PPP2R2B: variants seen among roughly 807,000 people sequenced by gnomAD.
PPP2R2B encodes the protein protein phosphatase 2 regulatory subunit Bbeta.
A neutral mutation model predicts 46.0 loss-of-function variants in PPP2R2B; 5 were observed. The ratio of observed to expected loss-of-function variants is 0.11; its 90% CI spans 0.06 to 0.23. PPP2R2B has a LOEUF of 0.23. Among genes scored for constraint, PPP2R2B ranks in the 10% least tolerant of loss-of-function variants. The probability of loss-of-function intolerance (pLI) is 1.00; values close to 1 mark genes in which losing one functional copy is unlikely to be tolerated. For synonymous variants in PPP2R2B, 215 were observed against 206.7 expected (o/e 1.04, Z -0.34); for missense variants, 367 against 575.0 (o/e 0.64, Z 3.70).
At chr5:146,847,443 C>G (rs1490566045) in intron 2 of PPP2R2B, among the ~76,000 whole-genome samples, 1 of 152,196 alleles carries the variant, frequency 6.6e-6, no homozygotes, top group African/African-American at 2.4e-5. Context: ...ATCCATTACT[C>G]TCCTTTTATC....
At chr5:146,700,023 G>A (rs570866573) in intron 3 of PPP2R2B, among the ~76,000 whole-genome samples, 35 of 152,238 alleles carry the variant, frequency 2.3e-4, no homozygotes, top group African/African-American at 7.7e-4. Context: ...ATGGAACCCC[G>A]AGGGATTACG....
At chr5:147,001,797 G>A (rs1021876253) in intron 1 of PPP2R2B, among the ~76,000 whole-genome samples, 1 of 152,154 alleles carries the variant, frequency 6.6e-6, no homozygotes, top group Non-Finnish European at 1.5e-5. Context: ...AGACGCGGGT[G>A]CCAGGCTTTC....
upstream of PPP2R2B, among the ~76,000 whole-genome samples, chr5:147,058,101 T>C (rs1447917098): frequency 6.6e-6 from 1 of 152,236 alleles, no homozygotes; most frequent in East Asian, 1.9e-4. Flanking sequence ...TTCATCTTTA[T>C]ATCCCTACTG....
At chr5:146,771,178 A>C (rs533011487) in intron 2 of PPP2R2B, among the ~76,000 whole-genome samples, 2 of 152,214 alleles carry the variant, frequency 1.3e-5, no homozygotes, top group Non-Finnish European at 2.9e-5. Context: ...TTCTAGAAGC[A>C]GGCCTAATCC....
At chr5:146,934,432 G>T (rs992055782) in intron 1 of PPP2R2B, among the ~76,000 whole-genome samples, 2 of 151,640 alleles carry the variant, frequency 1.3e-5, no homozygotes, top group Admixed American at 6.6e-5. Context: ...CTGATGGCCA[G>T]TGATGATAAG....
chr5:146,662,117 C>T (rs750464555), intron 5 of PPP2R2B, among the ~76,000 whole-genome samples: 1 of 152,004 alleles, frequency 6.6e-6, no homozygotes, highest in Non-Finnish European at 1.5e-5. Context: ...ACCAAGCCTC[C>T]GAAGTATCAC....
chr5:146,990,490 T>A (rs985528576), intron 1 of PPP2R2B, among the ~76,000 whole-genome samples: 1 of 152,050 alleles, frequency 6.6e-6, no homozygotes, highest in Non-Finnish European at 1.5e-5. Context: ...TCCCAATAAA[T>A]GGTGGTGGAA....
intron 5 of PPP2R2B, among the ~76,000 whole-genome samples, chr5:146,655,765 A>T (rs1160409377): frequency 6.6e-6 from 1 of 152,090 alleles, no homozygotes; most frequent in East Asian, 1.9e-4. Flanking sequence ...TCACGCTGCC[A>T]TGGAGGTCAT....
intron 2 of PPP2R2B, chr5:146,707,513 C>T (rs1198979211): frequency 4.1e-5 from 30 of 734,564 alleles, no homozygotes; most frequent in Non-Finnish European, 5.8e-5. Context: ...GATGCAGACA[C>T]CAGGCCCACT....
At chr5:147,031,630 A>C (rs1406561635) in intron 1 of PPP2R2B, among the ~76,000 whole-genome samples, 1 of 152,164 alleles carries the variant, frequency 6.6e-6, no homozygotes, top group African/African-American at 2.4e-5. Context: ...AGACCTCAAT[A>C]AAAAATATGT....
At chr5:147,076,254 T>C (rs1222574078) in intron 2 of PPP2R2B, among the ~76,000 whole-genome samples, 2 of 152,138 alleles carry the variant, frequency 1.3e-5, no homozygotes, top group East Asian at 1.9e-4. Context: ...ATCCTATATA[T>C]TGTTAAGTAA....
intron 5 of PPP2R2B, among the ~76,000 whole-genome samples, chr5:146,686,248 A>G (rs1470959038): frequency 6.6e-6 from 1 of 152,208 alleles, no homozygotes; most frequent in Non-Finnish European, 1.5e-5. Context: ...CCCTGCTTTC[A>G]TGGAGCTTAC....
At chr5:146,615,491 T>A (rs1773066717) in intron 7 of PPP2R2B, among the ~76,000 whole-genome samples, 8 of 108,524 alleles carry the variant, frequency 7.4e-5, no homozygotes, top group African/African-American at 1.2e-4. Flanking sequence ...ACCCTAAAAC[T>A]TAGAGTATAA....
At chr5:146,910,901 T>G (rs368416804) in intron 1 of PPP2R2B, among the ~76,000 whole-genome samples, 8 of 152,202 alleles carry the variant, frequency 5.3e-5, no homozygotes, top group Admixed American at 1.3e-4. Flanking sequence ...CCACTGGTCT[T>G]CCTTTGGGTT....
At chr5:146,785,869 G>T (rs1755806462) in intron 2 of PPP2R2B, among the ~76,000 whole-genome samples, 1 of 152,148 alleles carries the variant, frequency 6.6e-6, no homozygotes, top group Non-Finnish European at 1.5e-5. Flanking sequence ...GTTGCCAGTG[G>T]TTGGGAAGGG....
rs113853909 is a variant in PPP2R2B at position 146,704,323 on chromosome 5, G to A, written c.71-3181C>T. On this transcript the variant is annotated intron_variant, in intron 2 of 9. Transcript: ENST00000394411. Reference sequence around the variant, plus strand: ...TAATTTTGTGATATGGTAAGAGGATGTAGTAATAAGGTAGCAAGTTTAGAG... The same window carrying A: ...TAATTTTGTGATATGGTAAGAGGATATAGTAATAAGGTAGCAAGTTTAGAG... Among the ~76,000 whole-genome samples the A allele has an allele frequency of 3.4e-3, 513 of 152,342 alleles. 3 individuals are homozygous for A. Among genetic ancestry groups the A allele is most frequent in the African/African-American group, 0.012 (484 of 41,582 alleles).
rs372643676 is a variant in PPP2R2B, at chr5:146,644,389, T to C, written c.626-5974A>G. ...AGCTAGCATTAAGTTAAAACTGTGA[T>C]GCGAATCCAATGTATAGACAGCAAA... On this transcript the variant is annotated intron_variant, in intron 6 of 9. Coordinates refer to ENST00000394411, the MANE Select transcript of PPP2R2B (RefSeq NM_181675.4). Among the ~76,000 whole-genome samples the C allele has an allele frequency of 4.9e-4, 74 of 152,260 alleles. No individual in the cohort carries two copies. The East Asian group carries it at 6.2e-3, about 13-fold the overall frequency.
At chr5:146,903,942 A>T (rs1253572378) in intron 1 of PPP2R2B, among the ~76,000 whole-genome samples, 1 of 152,144 alleles carries the variant, frequency 6.6e-6, no homozygotes, top group Non-Finnish European at 1.5e-5. Flanking sequence ...GATTCTTCCC[A>T]TTTCATGACT....
chr5:146,914,991 TA>T (rs1215696798), intron 1 of PPP2R2B, among the ~76,000 whole-genome samples: 5 of 152,222 alleles, frequency 3.3e-5, no homozygotes, highest in African/African-American at 1.2e-4. Flanking sequence ...ATTAGAGAGC[TA>T]AAAAATCAAG....
Sources: gnomAD v4.1 joint callset for allele counts (sites outside exome capture counted in the v4.1 genomes callset) on GRCh38, gnomAD v4.1.1 for gene constraint, MANE v1.5 for transcripts, NCBI Gene and HGNC (gene_info 2026-07-23, HGNC 2026-07-21) for gene names.